The following F8 variants were observed in gnomAD, a reference collection of about 807,000 sequenced individuals.
F8 encodes the protein coagulation factor VIII.
In F8, 12 loss-of-function variants were observed where a neutral mutation model predicts 140.6. The observed-to-expected ratio is 0.09, with a 90% CI of 0.05 to 0.14. The LOEUF is 0.14. Ranked by LOEUF, F8 falls within the 10% of genes least tolerant of loss-of-function variation. The probability of loss-of-function intolerance (pLI) is 1.00; values close to 1 mark genes in which losing one functional copy is unlikely to be tolerated. For missense variants in F8, 1,354 were observed against 1,720.7 expected, an observed-to-expected ratio of 0.79 and a Z score of 3.77; for synonymous variants, 585 against 614.6, an observed-to-expected ratio of 0.95 and a Z score of 0.71.
chrX:154,991,429 G>A lies in F8; in HGVS notation c.601+1507C>T, dbSNP rs184905869. Among the ~76,000 whole-genome samples, 4 of 111,945 alleles carry A rather than the reference G, an allele frequency of 3.6e-5. No individual in the cohort carries two copies. In the Admixed American group the frequency reaches 3.8e-4, roughly 11 times the overall value. ...TTTTCTCTATATACTTGTTCTATTT[G>A]CTTTTTAGAAATTTTTAAATATCTG... On this transcript the variant is annotated intron_variant, in intron 4 of 25. Transcript: ENST00000360256.
At chrX:154,972,872 C>T (rs1275567001) in intron 6 of F8, among the ~76,000 whole-genome samples, 2 of 109,026 alleles carry the variant, frequency 1.8e-5, no homozygotes, top group Non-Finnish European at 1.9e-5. Context: ...TGCCACCACA[C>T]CTGGCTAATT....
At chrX:154,998,069 C>A (rs1208897941) in intron 2 of F8, among the ~76,000 whole-genome samples, 5 of 112,503 alleles carry the variant, frequency 4.4e-5, no homozygotes, top group African/African-American at 1.6e-4. Flanking sequence ...TAGACCACTG[C>A]TTTTAATTAC....
At chrX:154,911,257 G>A (rs782119117) in intron 14 of F8, among the ~76,000 whole-genome samples, 1 of 107,833 alleles carries the variant, frequency 9.3e-6, no homozygotes, top group African/African-American at 3.4e-5. Context: ...CGTCCCACCT[G>A]ACGAGAAACA....
intron 25 of F8, among the ~76,000 whole-genome samples, chrX:154,840,782 G>A (rs1013336641): frequency 4.5e-4 from 50 of 111,919 alleles, no homozygotes; most frequent in Non-Finnish European, 3.8e-5. Context: ...TGGAGCAGAG[G>A]CACAAAAGAG....
chrX:154,910,421 T>C (rs1469223590), intron 14 of F8, among the ~76,000 whole-genome samples: 2 of 70,019 alleles, frequency 2.9e-5, no homozygotes, highest in Non-Finnish European at 5.4e-5. Flanking sequence ...GGGCCTGTCA[T>C]GGGGTGGGGG....
chrX:154,988,940 C>A (rs2073573355), intron 4 of F8, among the ~76,000 whole-genome samples: 1 of 112,171 alleles, frequency 8.9e-6, no homozygotes, highest in Non-Finnish European at 1.9e-5. Flanking sequence ...GGCTTCCTGA[C>A]CCAGATCTCA....
chrX:154,845,797 T>C (rs1366843811), intron 25 of F8, among the ~76,000 whole-genome samples: 1 of 112,064 alleles, frequency 8.9e-6, no homozygotes, highest in African/African-American at 3.2e-5. Flanking sequence ...TCTCCTTCAG[T>C]TCTGCTCTGA....
chrX:154,989,620 A>G (rs1446470402), intron 4 of F8, among the ~76,000 whole-genome samples: 6 of 112,401 alleles, frequency 5.3e-5, no homozygotes, highest in Admixed American at 9.5e-5. Flanking sequence ...GATGTTGAAC[A>G]TCTTTTCATA....
At chrX:154,892,931 T>C (rs959653984) in intron 22 of F8, among the ~76,000 whole-genome samples, 3 of 111,671 alleles carry the variant, frequency 2.7e-5, no homozygotes, top group African/African-American at 9.8e-5. Flanking sequence ...TTCAGACTGA[T>C]AGAACAGACT....
At position 154,852,186 on chromosome X, in the gene F8, C is replaced by A. The variant is rs183455838; in HGVS notation, c.6900+8246G>T. ...CTGGGCTCAAGCGATCCTCCTATCC[C>A]AGCTTCCCTAGTAGCTGGGACTACA... On this transcript the variant is annotated intron_variant, in intron 25 of 25. Transcript: ENST00000360256. Among the ~76,000 whole-genome samples, 291 of 111,416 alleles carry A rather than the reference C, an allele frequency of 2.6e-3. 4 individuals are homozygous for A. Among genetic ancestry groups the A allele is most frequent in the Admixed American group, 0.024 (253 of 10,464 alleles).
chrX:154,940,503 T>C (rs2073255046), intron 13 of F8, among the ~76,000 whole-genome samples: 1 of 111,894 alleles, frequency 8.9e-6, no homozygotes, highest in Non-Finnish European at 1.9e-5. Context: ...CTCCAAGAAA[T>C]ACGGGACTAT....
intron 13 of F8, among the ~76,000 whole-genome samples, chrX:154,939,326 G>A (rs1394472735): frequency 8.9e-5 from 10 of 112,370 alleles, no homozygotes; most frequent in African/African-American, 2.6e-4. Context: ...CTAATACTGC[G>A]CTCTTCCAAC....
intron 21 of F8, among the ~76,000 whole-genome samples, chrX:154,896,778 C>T (rs2072983840): frequency 8.9e-6 from 1 of 112,042 alleles, no homozygotes; most frequent in Admixed American, 9.5e-5. Flanking sequence ...AGTGCTGCTT[C>T]TTCTATGCTT....
At chrX:154,942,733 A>G in intron 13 of F8, among the ~76,000 whole-genome samples, 1 of 109,079 alleles carries the variant, frequency 9.2e-6, no homozygotes, top group Non-Finnish European at 1.9e-5. Flanking sequence ...ATTTTAGACC[A>G]ATATCCTTGA....
Position 154,947,712 on chromosome X carries a change from G to A in F8, c.2099C>T (p.Ser700Leu), listed in dbSNP as rs1359096117. The change falls in exon 13 of 26, where the codon TCG becomes TTG. Residue 700 changes from serine to leucine, a missense_variant. Physicochemically the swap from Ser to Leu is moderately radical, Grantham distance 145. Coordinates refer to ENST00000360256, the MANE Select transcript of F8 (RefSeq NM_000132.4). ...FPFSGETVFM[S>L]MENPGLWILG... ...TAATAACTAACCTGGGTTTTCCATC[G>A]ACATGAAGACAGTTTCTCCTGAGAA... 2.5e-6 allele frequency: 3 copies of A among 1,209,256 alleles called. No individual in the cohort carries two copies. Among genetic ancestry groups the A allele is most frequent in the Non-Finnish European group, 3.4e-6 (3 of 893,298 alleles).
intron 22 of F8, among the ~76,000 whole-genome samples, chrX:154,873,228 CTTTT>C (rs1190861463): frequency 1.0e-5 from 1 of 96,909 alleles, no homozygotes; most frequent in Admixed American, 1.1e-4. Context: ...GCAAAGCAAT[CTTTT>C]TTTTTTTTTT....
At chrX:154,903,761 T>G in intron 18 of F8, 145 bp downstream of exon 18, 1 of 500,921 alleles carries the variant, frequency 2.0e-6, no homozygotes, top group Non-Finnish European at 3.4e-6. Flanking sequence ...GAACAAATGG[T>G]TTAAAAAGCA....
intron 9 of F8, among the ~76,000 whole-genome samples, chrX:154,962,227 C>G (rs986337322): frequency 2.7e-5 from 3 of 111,997 alleles, no homozygotes; most frequent in African/African-American, 9.7e-5. Flanking sequence ...GCCTGCAACC[C>G]TTTCCACTCC....
chrX:154,936,911 A>G (rs1433009710), intron 13 of F8, among the ~76,000 whole-genome samples: 3 of 111,855 alleles, frequency 2.7e-5, no homozygotes, highest in African/African-American at 9.7e-5. Flanking sequence ...TAAATCAGCA[A>G]CAGAGAGAGA....
Sources: allele counts gnomAD v4.1 joint callset (sites outside exome capture counted in the v4.1 genomes callset), GRCh38; gene constraint gnomAD v4.1.1; transcripts MANE v1.5; gene names NCBI Gene and HGNC (gene_info 2026-07-23, HGNC 2026-07-21).